TTN: variants seen among roughly 807,000 people sequenced by gnomAD.
TTN encodes connectin.
In TTN, 1,525 loss-of-function variants were observed where a neutral mutation model predicts 3,223.0. The observed-to-expected ratio is 0.47, with a 90% CI of 0.45 to 0.49. The LOEUF is 0.49. Among genes scored for constraint, TTN ranks in the 20% least tolerant of loss-of-function variants. The probability of loss-of-function intolerance (pLI) is 0.00; values close to 1 mark genes in which losing one functional copy is unlikely to be tolerated. For synonymous variants in TTN, 14,094 were observed against 15,161.0 expected, an observed-to-expected ratio of 0.93 and a Z score of 5.17; for missense variants, 40,786 against 43,424.0, an observed-to-expected ratio of 0.94 and a Z score of 5.40.
intron 34 of TTN, among the ~76,000 whole-genome samples, 194 bp downstream of exon 34, chr2:178,771,017 C>CT (rs1306330821): frequency 1.3e-5 from 2 of 151,926 alleles, no homozygotes; most frequent in South Asian, 2.1e-4. Context: ...TAAGAAATGG[C>CT]TTTTTTGCAT....
At chr2:178,595,937 G>A in intron 294 of TTN, 128 bp from the exon 295 acceptor site, 2 of 728,866 alleles carry the variant, frequency 2.7e-6, no homozygotes, top group South Asian at 3.9e-5. Context: ...TACTAATTGA[G>A]TTAGTTTTTC....
Position 178,577,152 on chromosome 2 carries a change from C to G in TTN, c.69183G>C (p.Trp23061Cys). 1.9e-6 allele frequency: 3 copies of G among 1,612,986 alleles called. No individual in the cohort carries two copies. The highest frequency in any genetic ancestry group is 2.5e-6 in the Non-Finnish European group (3 of 1,179,456). The stretch of plus-strand genomic sequence containing the variant: ...AGCCGCCATCTTCCAAGGGAGGTGT[C>G]CATGTAAGTGTTGCTTTTTCAGCAG... ...NVSAEKATLT[W>C]TPPLEDGGSP... The change falls in exon 324 of 363, where the codon TGG becomes TGC. Residue 23061 changes from tryptophan (W) to cysteine (C), a missense_variant. By Grantham distance (215) the Trp-to-Cys change is radical. Transcript: ENST00000589042.
chr2:178,572,802 A>G lies in TTN; in HGVS notation c.73330T>C (p.Cys24444Arg). 1 of 1,613,512 alleles carries G rather than the reference A, an allele frequency of 6.2e-7. No individual in the cohort carries two copies. Among genetic ancestry groups the G allele is most frequent in the Non-Finnish European group, 8.5e-7 (1 of 1,179,588 alleles). Reference protein sequence around the residue: ...LRKVVTIRACCTLRLFVPIKG... With the variant: ...LRKVVTIRACRTLRLFVPIKG... ...ATGGGAACAAAAAGTCTCAGGGTGC[A>G]GCAGGCCCTTATAGTAACAACTTTG... Residue 24444 changes from cysteine (C) to arginine (R), a missense_variant, in exon 326 of 363, where the codon TGC becomes CGC. Transcript: ENST00000589042.
In TTN at chr2:178,784,183, C is replaced by T. The variant is rs759686739; in HGVS notation, c.2662G>A (p.Asp888Asn). The T allele has an allele frequency of 1.7e-5, 28 of 1,614,184 alleles. No individual in the cohort carries two copies. The Admixed American group carries it at 4.5e-4, about 26-fold the overall frequency. The change falls in exon 16 of 363, where the codon GAT becomes AAT. Residue 888 changes from aspartate (D) to asparagine (N), a missense_variant. Transcript: ENST00000589042. ...LPQFPFADTP[D>N]TYKSEAGVEV... Reference sequence around the variant, plus strand: ...ACGCCAGCTTCACTCTTGTAAGTATCTGGTGTGTCAGCGAAGGGGAACTGT... The same window carrying T: ...ACGCCAGCTTCACTCTTGTAAGTATTTGGTGTGTCAGCGAAGGGGAACTGT...
rs776642838 is a variant in TTN at position 178,576,552 on chromosome 2, G to C, written c.69692C>G (p.Ser23231Cys). The change falls in exon 325 of 363, where the codon TCT (serine) becomes TGT (cysteine). Residue 23231 changes from serine to cysteine, a missense_variant. Coordinates refer to ENST00000589042, the MANE Select transcript of TTN (RefSeq NM_001267550.2). The surrounding 1 kb of genome is among the most constrained non-coding windows in gnomAD (Gnocchi z 4.3). ...ACATGCTGCATCTTTCATCAGAACA[G>C]AATCTGAAGCCTCACTGGGTGGACC... ...GIGPPSEASD[S>C]VLMKDAAYPP... 6 of 1,613,488 alleles carry C rather than the reference G, an allele frequency of 3.7e-6. No homozygotes were observed. In the South Asian group the frequency reaches 5.5e-5, roughly 15 times the overall value.
Position 178,774,060 on chromosome 2 carries a change from C to T in TTN, c.7108G>A (p.Gly2370Ser), listed in dbSNP as rs752484533. 1 of 1,614,054 alleles carries T rather than the reference C, an allele frequency of 6.2e-7. No individual in the cohort carries two copies. Among genetic ancestry groups the T allele is most frequent in the South Asian group, 1.1e-5 (1 of 91,070 alleles). Residue 2370 changes from glycine (G) to serine (S), a missense_variant, in exon 31 of 363, where the codon GGT becomes AGT. Coordinates refer to ENST00000589042, the MANE Select transcript of TTN (RefSeq NM_001267550.2). Reference sequence around the variant, plus strand: ...TTAACTTCAAGCTGAACAATGTCACCCTCACAGACTTTTTGGTCACTAAGT... The same window carrying T: ...TTAACTTCAAGCTGAACAATGTCACTCTCACAGACTTTTTGGTCACTAAGT... ...QGLSDQKVCEGDIVQLEVKVS... is the reference protein window; with the variant it reads ...QGLSDQKVCESDIVQLEVKVS...
chr2:178,771,513 T>A, intron 33 of TTN, 42 bp from the exon 34 acceptor site: 1 of 1,612,876 alleles, frequency 6.2e-7, no homozygotes, highest in Non-Finnish European at 8.5e-7. Flanking sequence ...TTTAAACATA[T>A]TCACACAATG....
rs754044430 is a variant in TTN at position 178,597,831 on chromosome 2, T to G, written c.57263-12A>C. 1.9e-6 allele frequency: 3 copies of G among 1,612,710 alleles called. No homozygotes were observed. The South Asian group carries it at 3.3e-5, about 18-fold the overall frequency. On this transcript the variant is annotated splice_polypyrimidine_tract_variant and intron_variant, in intron 293 of 362. Transcript: ENST00000589042. ...AAGGTCAGGTGAAACTGGAAGCAATTGAAAATTACAAATGTGATTTTTCCC... is the reference window on the plus strand; with the variant it reads ...AAGGTCAGGTGAAACTGGAAGCAATGGAAAATTACAAATGTGATTTTTCCC...
At position 178,593,678 on chromosome 2, in the gene TTN, A is replaced by G. The variant is rs760841948; in HGVS notation, c.58622T>C (p.Val19541Ala). The G allele has an allele frequency of 6.2e-7, 1 of 1,613,272 alleles. No homozygotes were observed. The highest frequency in any genetic ancestry group is 1.1e-5 in the South Asian group (1 of 91,062). The change falls in exon 298 of 363, where the codon GTT (valine) becomes GCT (alanine). Residue 19541 changes from valine (V) to alanine (A), a missense_variant. Val to Ala is a moderately conservative substitution (Grantham distance 64, BLOSUM62 0). Coordinates refer to ENST00000589042, the MANE Select transcript of TTN (RefSeq NM_001267550.2). The stretch of plus-strand genomic sequence containing the variant: ...ATCTTTTCCTTCAAGTAGTTTAGAA[A>G]CTTTGCATGTTGTTTTAGCACTTGC... ...TSASAKTTCK[V>A]SKLLEGKDYI...
Position 178,549,835 on chromosome 2 carries a change from G to A in TTN, c.91887C>T (p.Phe30629=). ...TCATCTTCTCCCCAGTAATATTGGT[G>A]AATCTTATTGGCCCAACTACTTTTC... ...TPGKVVGPIR[F]TNITGEKMTL... The change falls in exon 338 of 363, where the codon TTC becomes TTT. Residue 30629 remains phenylalanine (F), a synonymous_variant. Transcript: ENST00000589042. 6.3e-7 allele frequency: 1 copy of A among 1,588,936 alleles called. No individual in the cohort carries two copies. Among genetic ancestry groups the A allele is most frequent in the Non-Finnish European group, 8.6e-7 (1 of 1,166,570 alleles).
intron 345 of TTN, 26 bp downstream of exon 345, chr2:178,544,175 C>A (rs753888002): frequency 6.2e-7 from 1 of 1,605,090 alleles, no homozygotes; most frequent in Non-Finnish European, 8.5e-7. Flanking sequence ...GAAAATAATT[C>A]ACCTAAAAGC....
At position 178,581,557 on chromosome 2, in the gene TTN, C is replaced by T; in HGVS notation, c.66711G>A (p.Lys22237=). The change falls in exon 316 of 363, where the codon AAG becomes AAA. Residue 22237 remains lysine (K), a synonymous_variant. Transcript: ENST00000589042. ...QYQFRVYAVN[K]IGYSDPSDVP... ...CATCACTGGGGTCACTGTATCCAATCTTATTAACGGCATACACACGGAATT... is the reference window on the plus strand; with the variant it reads ...CATCACTGGGGTCACTGTATCCAATTTTATTAACGGCATACACACGGAATT... The T allele has an allele frequency of 6.2e-7, 1 of 1,612,208 alleles. No homozygotes were observed. Among genetic ancestry groups the T allele is most frequent in the Non-Finnish European group, 8.5e-7 (1 of 1,178,848 alleles).
In TTN at chr2:178,696,288, C is replaced by T. The variant is rs376080743; in HGVS notation, c.30803-19G>A. 1.0e-5 allele frequency: 15 copies of T among 1,487,808 alleles called. No individual in the cohort carries two copies. In the East Asian group the frequency reaches 2.9e-4, roughly 29 times the overall value. The allele number at this position is 1,487,808 out of a possible 1,614,324, so 92.2% of individuals were successfully genotyped here. A position where few individuals can be genotyped will look rare whatever the true frequency, so the allele number is the denominator to read the frequency against. ...TCAGGAGCTAAAATAGATAAAGATA[C>T]TATTAGCATATTAATTCTATCCATC... On this transcript the variant is annotated intron_variant, in intron 113 of 362. Coordinates refer to ENST00000589042, the MANE Select transcript of TTN (RefSeq NM_001267550.2).
At chr2:178,730,021 T>TCCGCC in intron 62 of TTN, 72 bp downstream of exon 62, 3 of 1,558,124 alleles carry the variant, frequency 1.9e-6, no homozygotes, top group Non-Finnish European at 2.6e-6. Flanking sequence ...GTCTTAAGCG[T>TCCGCC]CCCCCGCCCC....
intron 58 of TTN, 45 bp downstream of exon 58, chr2:178,731,648 T>C (rs1578171942): frequency 5.7e-6 from 9 of 1,573,778 alleles, no homozygotes; most frequent in East Asian, 4.5e-5. Flanking sequence ...AAAAAAAGAA[T>C]TGACTCTTCA....
intron 90 of TTN, among the ~76,000 whole-genome samples, 197 bp downstream of exon 90, chr2:178,714,789 A>G (rs2077216058): frequency 6.6e-6 from 1 of 152,160 alleles, no homozygotes; most frequent in Admixed American, 6.5e-5. Context: ...ATCAAAACCT[A>G]ATTACAACAT....
intron 102 of TTN, among the ~76,000 whole-genome samples, chr2:178,705,649 C>T (rs1295365931): frequency 6.6e-6 from 1 of 151,840 alleles, no homozygotes; most frequent in African/African-American, 2.4e-5. Context: ...ACCAAAGAGC[C>T]TAGCTAATGA....
In TTN at chr2:178,543,072, T is replaced by C. The variant is rs747085386; in HGVS notation, c.96901A>G (p.Arg32301Gly). Reference sequence around the variant, plus strand: ...TTTTTGGCTATTTGGTACATACCTCTGAGGTCTTGTACAGTCACGGCTGTG... The same window carrying C: ...TTTTTGGCTATTTGGTACATACCTCCGAGGTCTTGTACAGTCACGGCTGTG... ...TVTAVTVQDL[R>G]VLPTIDLSTM... The change falls in exon 347 of 363, where the codon AGA becomes GGA. Residue 32301 changes from arginine (R) to glycine (G), a missense_variant. By Grantham distance (125) the Arg-to-Gly change is moderately radical. Transcript: ENST00000589042. 3.2e-6 allele frequency: 5 copies of C among 1,573,676 alleles called. No individual in the cohort carries two copies. In the South Asian group the frequency reaches 4.7e-5, roughly 15 times the overall value.
chr2:178,728,340 C>T lies in TTN; in HGVS notation c.19484G>A (p.Gly6495Asp), dbSNP rs182633829. ...CTTGCACTCCATATGAATAGAAGAG[C>T]CCAGAACTTTATCCATTTTGGTTAA... ...KKLTKMDKVLGSSIHMECKVS... is the reference protein window; with the variant it reads ...KKLTKMDKVLDSSIHMECKVS... Residue 6495 changes from glycine (G) to aspartate (D), a missense_variant, in exon 67 of 363, where the codon GGC (glycine) becomes GAC (aspartate). Coordinates refer to ENST00000589042, the MANE Select transcript of TTN (RefSeq NM_001267550.2). The T allele has an allele frequency of 6.2e-7, 1 of 1,608,856 alleles. No individual in the cohort carries two copies. The highest frequency in any genetic ancestry group is 1.3e-5 in the African/African-American group (1 of 74,682).
Sources: allele counts gnomAD v4.1 joint callset (sites outside exome capture counted in the v4.1 genomes callset), GRCh38; gene constraint gnomAD v4.1.1; non-coding constraint Gnocchi (gnomAD v3.1); transcripts MANE v1.5; gene names NCBI Gene and HGNC (gene_info 2026-07-23, HGNC 2026-07-21).